The following CC2D1A variants were observed in gnomAD, a reference collection of about 807,000 sequenced individuals.
CC2D1A encodes the protein coiled-coil and C2 domain containing 1A.
In CC2D1A, 68 loss-of-function variants were observed where a neutral mutation model predicts 123.8. The ratio of observed to expected loss-of-function variants is 0.55; its 90% CI spans 0.45 to 0.67. The LOEUF is 0.67. Ranked by LOEUF, CC2D1A falls within the 30% of genes least tolerant of loss-of-function variation. CC2D1A has a pLI of 0.00. For missense variants in CC2D1A, 1,185 were observed against 1,290.3 expected (o/e 0.92, Z 1.25); for synonymous variants, 477 against 528.0 (o/e 0.90, Z 1.32).
intron 2 of CC2D1A, among the ~76,000 whole-genome samples, chr19:13,910,269 G>A (rs1371117226): frequency 5.3e-5 from 8 of 151,440 alleles, no homozygotes; most frequent in African/African-American, 7.3e-5. Context: ...TTAGCCGGGC[G>A]TGGTGGCGGG....
chr19:13,907,410 T>C (rs552913474), intron 1 of CC2D1A, among the ~76,000 whole-genome samples: 79 of 152,134 alleles, frequency 5.2e-4, no homozygotes, highest in African/African-American at 1.9e-3. Context: ...AGACTCTTTC[T>C]CTAAAATAAA....
In CC2D1A at chr19:13,926,924, C is replaced by A. The variant is rs1174806436; in HGVS notation, c.2125+52C>A. On this transcript the variant is annotated intron_variant, in intron 20 of 28. Transcript: ENST00000318003. ...CCCTACTCCCTTGCAGCAGAAGGGA[C>A]ATAAGACAATGGCCTGACCCCACCC... 2 of 1,609,680 alleles carry A rather than the reference C, an allele frequency of 1.2e-6. 1 individual carries two copies. Among genetic ancestry groups the A allele is most frequent in the Middle Eastern group, 3.3e-4 (2 of 6,058 alleles).
rs1360419665 is a variant in CC2D1A, at chr19:13,930,477, C to G, written c.*82C>G. The G allele has an allele frequency of 2.8e-6, 4 of 1,431,868 alleles. No individual in the cohort carries two copies. Among genetic ancestry groups the G allele is most frequent in the Non-Finnish European group, 3.7e-6 (4 of 1,070,618 alleles). 88.7% of individuals were successfully genotyped at this position (1,431,868 alleles called of 1,614,324 possible). On this transcript the variant is annotated 3_prime_UTR_variant, in exon 29 of 29. Transcript: ENST00000318003. This position sits in a 1 kb window ranked among gnomAD's most constrained non-coding sequence, Gnocchi z 6.8. ...AGAGCCGACACAGCCACGAACCAGA[C>G]AAGCAGACAATCAGCGGACAATCGG...
intron 3 of CC2D1A, 42 bp downstream of exon 3, chr19:13,912,480 C>T (rs1268653746): frequency 6.8e-6 from 11 of 1,613,916 alleles, no homozygotes; most frequent in East Asian, 2.2e-5. Context: ...TCCGGTTGCC[C>T]CCATCCAGCA....
intron 17 of CC2D1A, among the ~76,000 whole-genome samples, chr19:13,926,131 T>C (rs937422244): frequency 6.7e-6 from 1 of 149,418 alleles, no homozygotes; most frequent in Non-Finnish European, 1.5e-5. Context: ...GCTGGGGTAC[T>C]GGCTGGCACA....
intron 1 of CC2D1A, among the ~76,000 whole-genome samples, chr19:13,908,654 C>T (rs529318824): frequency 3.3e-5 from 5 of 150,644 alleles, no homozygotes; most frequent in East Asian, 2.0e-4. Context: ...TTAGTAGAGA[C>T]GGGGTTTCAC....
chr19:13,929,284 C>A, intron 24 of CC2D1A, 95 bp from the exon 25 acceptor site: 4 of 1,299,372 alleles, frequency 3.1e-6, no homozygotes, highest in Non-Finnish European at 4.4e-6. Context: ...GGATTACAGG[C>A]GTGAGCCACT....
In CC2D1A at chr19:13,929,402, TCA is replaced by T; in HGVS notation, c.2544_2545del (p.Ser849CysfsTer5). Reference sequence around the variant, plus strand: ...AGATCAGCCCGGCCCCTGCATAGCCTCAGTGTGCTGGCGTTTGACCAAGAGCG... The same window carrying T: ...AGATCAGCCCGGCCCCTGCATAGCCTGTGTGCTGGCGTTTGACCAAGAGCG... On this transcript the variant is annotated frameshift_variant, in exon 25 of 29. Transcript: ENST00000318003. LOFTEE classifies it high-confidence loss of function. 6.2e-7 allele frequency: 1 copy of T among 1,613,448 alleles called. No individual in the cohort carries two copies. Among genetic ancestry groups the T allele is most frequent in the Non-Finnish European group, 8.5e-7 (1 of 1,179,938 alleles).
intron 21 of CC2D1A, 24 bp downstream of exon 21, chr19:13,927,101 G>A (rs749784955): frequency 2.2e-5 from 35 of 1,610,838 alleles, no homozygotes; most frequent in South Asian, 1.1e-4. Context: ...AGCCATGGCC[G>A]CTGGGTGGGC....
intron 1 of CC2D1A, among the ~76,000 whole-genome samples, chr19:13,907,445 C>G (rs986538270): frequency 6.6e-6 from 1 of 151,694 alleles, no homozygotes; most frequent in African/African-American, 2.4e-5. Context: ...AATGGAAGTC[C>G]GGGGTGGTGT....
chr19:13,927,788 A>T, intron 22 of CC2D1A, 105 bp from the exon 23 acceptor site: 1 of 1,251,680 alleles, frequency 8.0e-7, no homozygotes, highest in Non-Finnish European at 1.1e-6. Flanking sequence ...TCTCAGAAAA[A>T]AAAAAAACCA....
At chr19:13,925,974 G>GTATATATATACACACATATA (rs1482203010) in intron 17 of CC2D1A, among the ~76,000 whole-genome samples, 1 of 108,732 alleles carries the variant, frequency 9.2e-6, no homozygotes, top group African/African-American at 4.5e-5. Flanking sequence ...GTATATATAT[G>GTATATATATACACACATATA]TGTATATATA....
At chr19:13,920,041 G>A in intron 12 of CC2D1A, 90 bp downstream of exon 12, 1 of 1,342,656 alleles carries the variant, frequency 7.4e-7, no homozygotes, top group African/African-American at 1.5e-5. Context: ...GAGGCCAGGA[G>A]TTTGAGACCA....
intron 6 of CC2D1A, among the ~76,000 whole-genome samples, chr19:13,916,805 C>T (rs1971224292): frequency 6.6e-6 from 1 of 152,110 alleles, no homozygotes; most frequent in Non-Finnish European, 1.5e-5. Context: ...AAAAAAGATA[C>T]TGCGTGCCAT....
chr19:13,914,233 AT>A (rs1971120916), intron 6 of CC2D1A, among the ~76,000 whole-genome samples: 1 of 148,926 alleles, frequency 6.7e-6, no homozygotes, highest in Admixed American at 6.7e-5. Context: ...GAGTGCAGTG[AT>A]GTGATCATAG....
In CC2D1A at chr19:13,919,222, G is replaced by T; in HGVS notation, c.1222+20G>T. 6.3e-7 allele frequency: 1 copy of T among 1,590,796 alleles called. No individual in the cohort carries two copies. ...CCCCAGGTAGGCCTTGCCCCTGTAG[G>T]CCTCGCCCCAGTAGGCCCCGCCCCC... On this transcript the variant is annotated intron_variant, in intron 11 of 28. Transcript: ENST00000318003.
rs936278351 is a variant in CC2D1A, at chr19:13,926,648, G to C, written c.2015-19G>C. On this transcript the variant is annotated intron_variant, in intron 18 of 28. Coordinates refer to ENST00000318003, the MANE Select transcript of CC2D1A (RefSeq NM_017721.5). Reference sequence around the variant, plus strand: ...GGGGACCCCCTCTCTGCCCAGCTCTGACCGTTGTTTGCCCACAGGACTGTC... The same window carrying C: ...GGGGACCCCCTCTCTGCCCAGCTCTCACCGTTGTTTGCCCACAGGACTGTC... 1 of 1,614,178 alleles carries C rather than the reference G, an allele frequency of 6.2e-7. No homozygotes were observed. Among genetic ancestry groups the C allele is most frequent in the Admixed American group, 1.7e-5 (1 of 60,022 alleles).
intron 17 of CC2D1A, among the ~76,000 whole-genome samples, chr19:13,924,327 C>A (rs773733983): frequency 8.0e-5 from 12 of 150,868 alleles, no homozygotes; most frequent in Non-Finnish European, 1.5e-5. Context: ...CCCACCACCA[C>A]GCCTGGCTAA....
rs576388238 is a variant in CC2D1A at position 13,918,945 on chromosome 19, C to A, written c.1052C>A (p.Ala351Glu). ...VPPPPRTLLE[A>E]LEQRMERYQV... ...CCACCCCCGAGGACCCTGCTGGAGGCGCTGGAGCAGCGGATGGAGCGGTAC... is the reference window on the plus strand; with the variant it reads ...CCACCCCCGAGGACCCTGCTGGAGGAGCTGGAGCAGCGGATGGAGCGGTAC... The change falls in exon 10 of 29, where the codon GCG becomes GAG. Residue 351 changes from alanine to glutamate, a missense_variant. Ala to Glu is a moderately radical substitution (Grantham distance 107). Coordinates refer to ENST00000318003, the MANE Select transcript of CC2D1A (RefSeq NM_017721.5). The A allele has an allele frequency of 6.2e-7, 1 of 1,610,912 alleles. No individual in the cohort carries two copies. Among genetic ancestry groups the A allele is most frequent in the South Asian group, 1.1e-5 (1 of 90,746 alleles).
Sources: allele counts gnomAD v4.1 joint callset (sites outside exome capture counted in the v4.1 genomes callset), GRCh38; gene constraint gnomAD v4.1.1; non-coding constraint Gnocchi (gnomAD v3.1); transcripts MANE v1.5; gene names NCBI Gene and HGNC (gene_info 2026-07-23, HGNC 2026-07-21).